RASSF9: variants seen among roughly 807,000 people sequenced by gnomAD.
RASSF9 encodes Ras association domain family member 9.
In RASSF9, 18 loss-of-function variants were observed where a neutral mutation model predicts 21.4. The observed-to-expected ratio is 0.84, with a 90% CI of 0.58 to 1.25. The LOEUF (loss-of-function observed/expected upper bound fraction) is 1.25, where lower values mean the gene tolerates loss of function less well. RASSF9 is among the 50% of genes most tolerant of loss of function. RASSF9 has a pLI of 0.00. For missense variants in RASSF9, 480 were observed against 503.2 expected (o/e 0.95, Z 0.44); for synonymous variants, 183 against 179.1 (o/e 1.02, Z -0.18).
At position 85,804,955 on chromosome 12, in the gene RASSF9, A is replaced by T. The variant is rs1555188388; in HGVS notation, c.1055T>A (p.Met352Lys). 6 of 1,613,866 alleles carry T rather than the reference A, an allele frequency of 3.7e-6. No individual in the cohort carries two copies. The highest frequency in any genetic ancestry group is 5.1e-6 in the Non-Finnish European group (6 of 1,179,808). Reference protein sequence around the residue: ...EIKYSDSLLQMKAKEYELLAK... With the variant: ...EIKYSDSLLQKKAKEYELLAK... ...CAGGAGTTCATATTCTTTTGCTTTCATCTGAAGCAATGAGTCACTGTATTT... is the reference window on the plus strand; with the variant it reads ...CAGGAGTTCATATTCTTTTGCTTTCTTCTGAAGCAATGAGTCACTGTATTT... Residue 352 changes from methionine (M) to lysine (K), a missense_variant, in exon 2 of 2, where the codon ATG (methionine) becomes AAG (lysine). Met to Lys is a moderately conservative substitution (Grantham distance 95). Coordinates refer to ENST00000361228, the MANE Select transcript of RASSF9 (RefSeq NM_005447.4).
chr12:85,806,313 G>A (rs1342066555), intron 1 of RASSF9, among the ~76,000 whole-genome samples: 1 of 150,868 alleles, frequency 6.6e-6, no homozygotes, highest in Non-Finnish European at 1.5e-5. Flanking sequence ...GCCTCCCAAA[G>A]TGCTGGGATT....
At chr12:85,809,968 C>T (rs1245347533) in intron 1 of RASSF9, among the ~76,000 whole-genome samples, 1 of 151,814 alleles carries the variant, frequency 6.6e-6, no homozygotes, top group Non-Finnish European at 1.5e-5. Flanking sequence ...AAATCTGCCC[C>T]GAATGTCCTT....
intron 1 of RASSF9, among the ~76,000 whole-genome samples, chr12:85,830,770 C>T (rs906717740): frequency 6.6e-6 from 1 of 152,074 alleles, no homozygotes; most frequent in African/African-American, 2.4e-5. Flanking sequence ...ATACTTTGTA[C>T]TTGTATGATC....
At chr12:85,809,394 A>G (rs1879902997) in intron 1 of RASSF9, among the ~76,000 whole-genome samples, 1 of 152,086 alleles carries the variant, frequency 6.6e-6, no homozygotes, top group Admixed American at 6.6e-5. Flanking sequence ...AGGCAGCCAT[A>G]AAGAAATGTG....
intron 1 of RASSF9, among the ~76,000 whole-genome samples, chr12:85,816,823 T>C (rs537292699): frequency 6.6e-6 from 1 of 152,276 alleles, no homozygotes; most frequent in Admixed American, 6.5e-5. Context: ...CCTTTCTAGA[T>C]AGAACATCTT....
At chr12:85,819,811 T>C (rs915687370) in intron 1 of RASSF9, among the ~76,000 whole-genome samples, 8 of 152,236 alleles carry the variant, frequency 5.3e-5, no homozygotes, top group Non-Finnish European at 1.0e-4. Context: ...AATGTGGTTA[T>C]ATGAAGACCA....
At chr12:85,814,936 T>A (rs1044451764) in intron 1 of RASSF9, among the ~76,000 whole-genome samples, 1 of 152,048 alleles carries the variant, frequency 6.6e-6, no homozygotes, top group Non-Finnish European at 1.5e-5. Context: ...TGGAGACCCA[T>A]GCAGTGATGG....
At chr12:85,813,891 A>G (rs1207559038) in intron 1 of RASSF9, among the ~76,000 whole-genome samples, 2 of 152,184 alleles carry the variant, frequency 1.3e-5, no homozygotes, top group East Asian at 3.9e-4. Flanking sequence ...GTATTTTTCC[A>G]TAGAACATAT....
rs944236090 is a variant in RASSF9, at chr12:85,836,270, A to T, written c.-69T>A. ...TGAGGGTGGGGGTGGGGGTGTCTGG[A>T]TTTCCAGGGTGAAGGGAGGAGGGCT... is the stretch of plus-strand genomic sequence containing the variant. On this transcript the variant is annotated 5_prime_UTR_variant, in exon 1 of 2. Transcript: ENST00000361228. The T allele has an allele frequency of 6.5e-7, 1 of 1,528,830 alleles. No homozygotes were observed. The highest frequency in any genetic ancestry group is 1.4e-5 in the African/African-American group (1 of 72,208). 94.7% of individuals were successfully genotyped at this position (1,528,830 alleles called of 1,614,324 possible).
chr12:85,825,794 A>T, intron 1 of RASSF9, among the ~76,000 whole-genome samples: 1 of 152,054 alleles, frequency 6.6e-6, no homozygotes, highest in African/African-American at 2.4e-5. Flanking sequence ...ACACACACAC[A>T]CACACACACA....
At chr12:85,819,198 A>C (rs923250498) in intron 1 of RASSF9, among the ~76,000 whole-genome samples, 7 of 149,376 alleles carry the variant, frequency 4.7e-5, no homozygotes, top group African/African-American at 1.0e-4. Flanking sequence ...GGCAATTTTT[A>C]CTGCTTTAAG....
intron 1 of RASSF9, among the ~76,000 whole-genome samples, chr12:85,812,942 A>C (rs1879982921): frequency 6.6e-6 from 1 of 151,794 alleles, no homozygotes; most frequent in Non-Finnish European, 1.5e-5. Flanking sequence ...TAACCAAATA[A>C]GAGGCGTTTT....
intron 1 of RASSF9, among the ~76,000 whole-genome samples, chr12:85,815,451 A>C (rs1162700893): frequency 6.6e-6 from 1 of 152,080 alleles, no homozygotes; most frequent in Non-Finnish European, 1.5e-5. Context: ...CTTTGGGTAG[A>C]TACCCAGTAA....
At chr12:85,833,226 A>G (rs1461065395) in intron 1 of RASSF9, among the ~76,000 whole-genome samples, 2 of 151,894 alleles carry the variant, frequency 1.3e-5, no homozygotes. Context: ...ACTTTTATAT[A>G]ATACCAGCTG....
Position 85,805,956 on chromosome 12 carries a change from T to C in RASSF9, c.54A>G (p.Pro18=), listed in dbSNP as rs375508436. The change falls in exon 2 of 2, where the codon CCA becomes CCG. Residue 18 remains proline, a synonymous_variant. Transcript: ENST00000361228. ...TCTCTTCTGAATCCATGTCTTTAGT[T>C]GGAGATCTGAAAGAAAAACAAAAGC... ...LLKTRHKNRS[P]TKDMDSEEKE... is the part of the protein sequence containing the mutation. The C allele has an allele frequency of 1.1e-5, 17 of 1,600,128 alleles. No individual in the cohort carries two copies. The African/African-American group carries it at 1.8e-4, about 17-fold the overall frequency.
chr12:85,834,267 C>A (rs1296069488), intron 1 of RASSF9, among the ~76,000 whole-genome samples: 1 of 151,130 alleles, frequency 6.6e-6, no homozygotes, highest in Admixed American at 6.6e-5. Context: ...CTATTGCCAC[C>A]TTTTCCAAAA....
chr12:85,803,137 A>AT lies in RASSF9; in HGVS notation c.*1564dup, dbSNP rs544735678. ...GTTAAGAAGATTTAAGGAGCAATATATTTTTTTAAATGAGTTAACAATAAA... is the reference window on the plus strand; with the variant it reads ...GTTAAGAAGATTTAAGGAGCAATATATTTTTTTTAAATGAGTTAACAATAAA... On this transcript the variant is annotated 3_prime_UTR_variant, in exon 2 of 2. Coordinates refer to ENST00000361228, the MANE Select transcript of RASSF9 (RefSeq NM_005447.4). 2.7e-3 allele frequency: 413 copies of AT among 152,256 alleles called. 1 individual carries two copies. Among genetic ancestry groups the AT allele is most frequent in the African/African-American group, 9.4e-3 (390 of 41,562 alleles). 9.4% of individuals were successfully genotyped at this position (152,256 alleles called of 1,614,324 possible).
At chr12:85,814,444 G>A (rs1352326985) in intron 1 of RASSF9, among the ~76,000 whole-genome samples, 1 of 151,936 alleles carries the variant, frequency 6.6e-6, no homozygotes, top group East Asian at 1.9e-4. Flanking sequence ...GGCCTGAAAT[G>A]TCAATAGTGG....
chr12:85,801,952 C>T lies in RASSF9; in HGVS notation c.*2750G>A, dbSNP rs935607118. 2.6e-5 allele frequency: 4 copies of T among 152,160 alleles called. No individual in the cohort carries two copies. The highest frequency in any genetic ancestry group is 9.7e-5 in the African/African-American group (4 of 41,432). 9.4% of individuals were successfully genotyped at this position (152,160 alleles called of 1,614,324 possible). On this transcript the variant is annotated 3_prime_UTR_variant, in exon 2 of 2. Coordinates refer to ENST00000361228, the MANE Select transcript of RASSF9 (RefSeq NM_005447.4). ...TCTGGGTTCAGAGATGAGATTCCAA[C>T]TAATTGAATGGAACAAACGTATATC...
Sources: gnomAD v4.1 joint callset for allele counts (sites outside exome capture counted in the v4.1 genomes callset) on GRCh38, gnomAD v4.1.1 for gene constraint, MANE v1.5 for transcripts, NCBI Gene and HGNC (gene_info 2026-07-23, HGNC 2026-07-21) for gene names.